TRDN: variants seen among roughly 807,000 people sequenced by gnomAD.
The protein encoded by TRDN is triadin in skeletal muscle.
A neutral mutation model predicts 149.7 loss-of-function variants in TRDN; 161 were observed. The ratio of observed to expected loss-of-function variants is 1.08; its 90% confidence interval spans 0.95 to 1.23. TRDN has a LOEUF of 1.23. Ranked by LOEUF, TRDN falls within the 50% of genes most tolerant of loss-of-function variation. The probability of loss-of-function intolerance (pLI) is 0.00; values close to 1 mark genes in which losing one functional copy is unlikely to be tolerated. For synonymous variants in TRDN, 294 were observed against 250.5 expected, an observed-to-expected ratio of 1.17 and a Z score of -1.64; for missense variants, 896 against 823.5, an observed-to-expected ratio of 1.09 and a Z score of -1.08.
chr6:123,403,245 A>C (rs1327373094), intron 12 of TRDN, among the ~76,000 whole-genome samples: 1 of 152,198 alleles, frequency 6.6e-6, no homozygotes, highest in Non-Finnish European at 1.5e-5. Flanking sequence ...ATAAAAAGAA[A>C]TAAAATTTTA....
intron 9 of TRDN, among the ~76,000 whole-genome samples, chr6:123,489,142 A>T (rs1052261407): frequency 7.9e-5 from 12 of 152,084 alleles, no homozygotes; most frequent in African/African-American, 2.4e-4. Context: ...TTCAATTGTT[A>T]TGTCTTCCAT....
At chr6:123,582,312 G>C (rs1228490205) in intron 1 of TRDN, among the ~76,000 whole-genome samples, 1 of 152,084 alleles carries the variant, frequency 6.6e-6, no homozygotes, top group Non-Finnish European at 1.5e-5. Context: ...GGTGTGTCTG[G>C]GTTAAGATAA....
chr6:123,470,427 C>A (rs570553266), intron 9 of TRDN: 15 of 152,046 alleles, frequency 9.9e-5, no homozygotes, highest in African/African-American at 3.4e-4. Context: ...TACTGAGGGA[C>A]AATGGTGAAG....
chr6:123,437,295 C>T, intron 12 of TRDN: 2 of 272,220 alleles, frequency 7.3e-6, no homozygotes, highest in South Asian at 8.4e-5. Flanking sequence ...TCAGCAGCTC[C>T]TAATCTCCCT....
intron 5 of TRDN, among the ~76,000 whole-genome samples, chr6:123,522,038 T>A (rs1583183755): frequency 6.6e-6 from 1 of 152,290 alleles, no homozygotes; most frequent in East Asian, 1.9e-4. Flanking sequence ...TTTTTCCATT[T>A]ACACTATCTG....
intron 21 of TRDN, chr6:123,351,029 T>C (rs1045035298): frequency 2.4e-5 from 23 of 956,862 alleles, no homozygotes; most frequent in Non-Finnish European, 2.6e-5. Context: ...TGTTTGGTAC[T>C]ATTATTAGTG....
intron 21 of TRDN, chr6:123,350,616 T>C (rs1582903619): frequency 1.3e-6 from 1 of 747,792 alleles, no homozygotes; most frequent in Non-Finnish European, 1.6e-6. Flanking sequence ...TATTACTTTA[T>C]TAAAAGCACA....
intron 9 of TRDN, among the ~76,000 whole-genome samples, chr6:123,488,459 T>C (rs1347623883): frequency 6.6e-6 from 1 of 152,144 alleles, no homozygotes; most frequent in Non-Finnish European, 1.5e-5. Context: ...CCCCACTGTA[T>C]TCCTATACTC....
chr6:123,570,815 T>G (rs966239679), intron 2 of TRDN, 108 bp downstream of exon 2: 2 of 971,294 alleles, frequency 2.1e-6, no homozygotes, highest in African/African-American at 3.3e-5. Context: ...GTGGGGTGTT[T>G]CTTCCTCACA....
chr6:123,594,443 T>C (rs921250501), intron 1 of TRDN, among the ~76,000 whole-genome samples: 1 of 152,092 alleles, frequency 6.6e-6, no homozygotes, highest in Non-Finnish European at 1.5e-5. Flanking sequence ...AGCTCTACTA[T>C]AGGTTGTAGC....
chr6:123,535,417 G>A (rs1463835461), intron 4 of TRDN, among the ~76,000 whole-genome samples: 2 of 152,068 alleles, frequency 1.3e-5, no homozygotes, highest in African/African-American at 2.4e-5. Context: ...CTTTTCTGGT[G>A]GCTGGTAGGG....
intron 21 of TRDN, among the ~76,000 whole-genome samples, chr6:123,339,671 T>G (rs959465409): frequency 6.6e-6 from 1 of 152,312 alleles, no homozygotes; most frequent in South Asian, 2.1e-4. Flanking sequence ...CTGACTTGAC[T>G]TATTAAGTAA....
chr6:123,423,660 T>A (rs1406800052), intron 12 of TRDN, among the ~76,000 whole-genome samples: 1 of 152,126 alleles, frequency 6.6e-6, no homozygotes, highest in Non-Finnish European at 1.5e-5. Context: ...AATCATGTAA[T>A]GTAATGTCAG....
intron 39 of TRDN, 124 bp downstream of exon 39, chr6:123,223,969 T>A: frequency 1.3e-6 from 1 of 753,178 alleles, no homozygotes; most frequent in Non-Finnish European, 2.1e-6. Context: ...GCCTACCATG[T>A]AAATGTTGCC....
intron 13 of TRDN, among the ~76,000 whole-genome samples, chr6:123,393,244 C>T (rs751964529): frequency 2.6e-5 from 4 of 151,954 alleles, no homozygotes; most frequent in Admixed American, 6.6e-5. Flanking sequence ...ACATTCTGAT[C>T]TTCTCATGTA....
intron 10 of TRDN, chr6:123,464,643 A>AT (rs1333286046): frequency 4.2e-6 from 5 of 1,203,758 alleles, no homozygotes; most frequent in South Asian, 5.2e-5. Context: ...TTGTCCCTAT[A>AT]TTTTTTTGCT....
intron 9 of TRDN, among the ~76,000 whole-genome samples, chr6:123,483,601 C>T (rs575289812): frequency 6.6e-6 from 1 of 152,238 alleles, no homozygotes; most frequent in African/African-American, 2.4e-5. Flanking sequence ...GTGGCCCTCT[C>T]TCTGGAATTT....
chr6:123,288,477 A>G (rs748178485), intron 24 of TRDN, among the ~76,000 whole-genome samples: 11 of 152,132 alleles, frequency 7.2e-5, no homozygotes, highest in Non-Finnish European at 1.6e-4. Flanking sequence ...TTGGTAAATC[A>G]TACTTCTGAT....
At chr6:123,518,880 T>C (rs1257633627) in intron 5 of TRDN, among the ~76,000 whole-genome samples, 2 of 152,166 alleles carry the variant, frequency 1.3e-5, no homozygotes, top group African/African-American at 4.8e-5. Flanking sequence ...GGCAAGACTG[T>C]GCTCAAATAC....
Sources: allele counts gnomAD v4.1 joint callset (sites outside exome capture counted in the v4.1 genomes callset), GRCh38; gene constraint gnomAD v4.1.1; transcripts MANE v1.5; gene names NCBI Gene and HGNC (gene_info 2026-07-23, HGNC 2026-07-21).